IFT56: variants seen among roughly 807,000 people sequenced by gnomAD.
IFT56 encodes intraflagellar transport protein 56.
chr7:139,137,659 A>G, the IFT56 span, among the ~76,000 whole-genome samples: 1 of 152,270 alleles, frequency 6.6e-6, no homozygotes, highest in African/African-American at 2.4e-5. Context: ...GAAATACTTG[A>G]AAATATAAAT....
the IFT56 span, chr7:139,168,706 T>C: frequency 2.9e-6 from 1 of 349,818 alleles, no homozygotes; most frequent in Non-Finnish European, 5.5e-6. Flanking sequence ...TGCAGCGACT[T>C]TTTTTAAACT....
At chr7:139,160,711 C>T in the IFT56 span, among the ~76,000 whole-genome samples, 1 of 152,212 alleles carries the variant, frequency 6.6e-6, no homozygotes, top group East Asian at 1.9e-4. Flanking sequence ...GCTGGGATTA[C>T]AGGCATGAGC....
chr7:139,176,882 A>C, the IFT56 span, among the ~76,000 whole-genome samples: 23 of 152,192 alleles, frequency 1.5e-4, no homozygotes, highest in African/African-American at 5.3e-4. Flanking sequence ...GATCAGAAAC[A>C]CTATATAGTG....
chr7:139,147,027 A>AAG, the IFT56 span: 18 of 1,545,214 alleles, frequency 1.2e-5, no homozygotes, highest in Non-Finnish European at 1.5e-5. Context: ...AAATAGGAAG[A>AAG]AGAGAGAGAC....
At chr7:139,179,679 CCT>C in the IFT56 span, 8 of 1,515,854 alleles carry the variant, frequency 5.3e-6, no homozygotes, top group South Asian at 8.2e-5. Context: ...CAAGAAGAAT[CCT>C]CTTTTTCTTT....
chr7:139,147,833 C>T, the IFT56 span, among the ~76,000 whole-genome samples: 4 of 152,186 alleles, frequency 2.6e-5, no homozygotes, highest in Admixed American at 2.6e-4. Flanking sequence ...CCCCTTCTTT[C>T]CATCCTCTTT....
chr7:139,135,284 AAAAAAAAAAAAAAAC>A, the IFT56 span, among the ~76,000 whole-genome samples: 1 of 147,082 alleles, frequency 6.8e-6, no homozygotes, highest in African/African-American at 2.7e-5. Context: ...TCTCAAAAAA[AAAAAAAAAAAAAAAC>A]AAAACAAAAC....
At chr7:139,175,951 T>C in the IFT56 span, among the ~76,000 whole-genome samples, 1 of 152,098 alleles carries the variant, frequency 6.6e-6, no homozygotes, top group East Asian at 1.9e-4. Context: ...TGCCTCGGCC[T>C]CCCGAGTAGC....
At chr7:139,175,227 G>A in the IFT56 span, among the ~76,000 whole-genome samples, 1 of 152,042 alleles carries the variant, frequency 6.6e-6, no homozygotes, top group African/African-American at 2.4e-5. Flanking sequence ...TTCGTACACT[G>A]TAAATTAGCA....
the IFT56 span, chr7:139,187,621 T>G: frequency 1.3e-6 from 2 of 1,498,786 alleles, no homozygotes; most frequent in Non-Finnish European, 1.8e-6. Flanking sequence ...GATGATATCT[T>G]CTGAAAACAC....
the IFT56 span, among the ~76,000 whole-genome samples, chr7:139,156,735 G>A: frequency 1.7e-3 from 256 of 152,198 alleles, 2 homozygotes; most frequent in Non-Finnish European, 2.5e-3. Context: ...GAAAAGATCA[G>A]TCTTTTCCTA....
the IFT56 span, among the ~76,000 whole-genome samples, chr7:139,140,662 C>T: frequency 1.1e-4 from 17 of 150,366 alleles, no homozygotes; most frequent in Non-Finnish European, 2.5e-4. Flanking sequence ...GTAATCCCAG[C>T]TACTTGGGAG....
At chr7:139,169,308 C>G in the IFT56 span, 1 of 1,613,934 alleles carries the variant, frequency 6.2e-7, no homozygotes, top group Non-Finnish European at 8.5e-7. Flanking sequence ...ATGAAAATTG[C>G]CCAGCAGTTC....
At chr7:139,171,178 G>A in the IFT56 span, among the ~76,000 whole-genome samples, 4 of 152,216 alleles carry the variant, frequency 2.6e-5, no homozygotes, top group Admixed American at 2.6e-4. Context: ...AAACATTGAT[G>A]CAAGAAATTG....
the IFT56 span, among the ~76,000 whole-genome samples, chr7:139,135,860 A>C: frequency 6.6e-6 from 1 of 152,044 alleles, no homozygotes; most frequent in African/African-American, 2.4e-5. Flanking sequence ...ACCCTTAATA[A>C]TTGTTATAAT....
the IFT56 span, among the ~76,000 whole-genome samples, chr7:139,166,490 T>G: frequency 6.6e-6 from 1 of 151,698 alleles, no homozygotes; most frequent in African/African-American, 2.4e-5. Context: ...AATCTCAGAC[T>G]TCATGTCATT....
the IFT56 span, among the ~76,000 whole-genome samples, chr7:139,137,603 A>C: frequency 6.6e-6 from 1 of 152,246 alleles, no homozygotes; most frequent in Non-Finnish European, 1.5e-5. Flanking sequence ...AGGCAACTCA[A>C]ATACTTTCTG....
At chr7:139,169,447 T>C in the IFT56 span, 2 of 1,122,928 alleles carry the variant, frequency 1.8e-6, no homozygotes, top group Non-Finnish European at 2.7e-6. Context: ...GATGTATCTA[T>C]TAGGCTTCAC....
At chr7:139,180,137 A>G in the IFT56 span, among the ~76,000 whole-genome samples, 9 of 151,826 alleles carry the variant, frequency 5.9e-5, no homozygotes, top group Admixed American at 3.3e-4. Context: ...GGAGATCGAG[A>G]CCATCCTGGC....
Sources: gnomAD v4.1 joint callset for allele counts (sites outside exome capture counted in the v4.1 genomes callset) on GRCh38, gnomAD v4.1.1 for gene constraint, MANE v1.5 for transcripts, NCBI Gene and HGNC (gene_info 2026-07-23, HGNC 2026-07-21) for gene names.